The following NATD1 variants were observed in gnomAD, a reference collection of about 807,000 sequenced individuals.
NATD1 encodes the protein protein NATD1.
NATD1 carries 9 observed loss-of-function variants against 12.0 expected under a neutral mutation model. The observed-to-expected ratio is 0.75, with a 90% CI of 0.45 to 1.30. The LOEUF is 1.30. Ranked by LOEUF, NATD1 falls within the 50% of genes most tolerant of loss-of-function variation. The probability of loss-of-function intolerance (pLI) is 0.00; values close to 1 mark genes in which losing one functional copy is unlikely to be tolerated. For missense variants in NATD1, 148 were observed against 148.5 expected, an observed-to-expected ratio of 1.00 and a Z score of 0.02; for synonymous variants, 71 against 65.9, an observed-to-expected ratio of 1.08 and a Z score of -0.37.
At chr17:21,246,754 C>A (rs762699660) in intron 1 of NATD1, among the ~76,000 whole-genome samples, 1 of 151,912 alleles carries the variant, frequency 6.6e-6, no homozygotes, top group Non-Finnish European at 1.5e-5. Flanking sequence ...GATCACTATA[C>A]AGCAGAGGAG....
rs1269404895 is a variant in NATD1, at chr17:21,239,067, G to C, written c.*4246C>G. 1 of 152,186 alleles carries C rather than the reference G, an allele frequency of 6.6e-6. No individual in the cohort carries two copies. Among genetic ancestry groups the C allele is most frequent in the African/African-American group, 2.4e-5 (1 of 41,454 alleles). 9.4% of individuals were successfully genotyped at this position (152,186 alleles called of 1,614,324 possible). ...CCCTGAGAATCGTAAAGGGATATTTGGGTGGACTTGAGCAAATCCAAGAAC... is the reference window on the plus strand; with the variant it reads ...CCCTGAGAATCGTAAAGGGATATTTCGGTGGACTTGAGCAAATCCAAGAAC... On this transcript the variant is annotated 3_prime_UTR_variant, in exon 3 of 3. Transcript: ENST00000611551.
chr17:21,251,568 T>C (rs1346437177), intron 1 of NATD1, among the ~76,000 whole-genome samples: 1 of 152,204 alleles, frequency 6.6e-6, no homozygotes, highest in Non-Finnish European at 1.5e-5. Context: ...GGGCAATCAC[T>C]TCCTAAGGTC....
chr17:21,249,578 GCTGA>G (rs1203553361), intron 1 of NATD1, among the ~76,000 whole-genome samples: 1 of 152,232 alleles, frequency 6.6e-6, no homozygotes, highest in African/African-American at 2.4e-5. Context: ...AGGGGCAGCA[GCTGA>G]CTCTCTGGGG....
intron 1 of NATD1, among the ~76,000 whole-genome samples, chr17:21,250,492 C>G (rs572452899): frequency 1.3e-5 from 2 of 152,360 alleles, no homozygotes; most frequent in East Asian, 1.9e-4. Context: ...CCTCTCTAAA[C>G]TGTCAGCCCC....
Position 21,243,764 on chromosome 17 carries a change from C to T in NATD1, c.226-335G>A, listed in dbSNP as rs537873930. 9.8e-4 allele frequency among the ~76,000 whole-genome samples: 149 copies of T among 152,258 alleles called. 1 individual carries two copies. The highest frequency in any genetic ancestry group is 3.4e-3 in the African/African-American group (143 of 41,546). Reference sequence around the variant, plus strand: ...CCAGCAGCAGCCCTCAGGGGAGTGACGGTCATTCTTTGCTCTGGCTGTAAC... The same window carrying T: ...CCAGCAGCAGCCCTCAGGGGAGTGATGGTCATTCTTTGCTCTGGCTGTAAC... On this transcript the variant is annotated intron_variant, in intron 2 of 2. Coordinates refer to ENST00000611551, the MANE Select transcript of NATD1 (RefSeq NM_152914.3).
chr17:21,248,994 G>A (rs1003338501), intron 1 of NATD1, among the ~76,000 whole-genome samples: 5 of 152,082 alleles, frequency 3.3e-5, no homozygotes, highest in South Asian at 2.1e-4. Context: ...TGGGGGACCC[G>A]TCCCTGGGTC....
chr17:21,252,786 T>C lies in NATD1; in HGVS notation c.106+373A>G, dbSNP rs534680664. ...TGGGTGCCCAACAGTCGTGAACAAGTGGGCCTGAGCAGGTGCGGGTCCCCT... is the reference window on the plus strand; with the variant it reads ...TGGGTGCCCAACAGTCGTGAACAAGCGGGCCTGAGCAGGTGCGGGTCCCCT... On this transcript the variant is annotated intron_variant, in intron 1 of 2. Transcript: ENST00000611551. Among the ~76,000 whole-genome samples, 58 of 151,896 alleles carry C rather than the reference T, an allele frequency of 3.8e-4. 1 individual carries two copies. Among genetic ancestry groups the C allele is most frequent in the African/African-American group, 1.4e-3 (57 of 41,480 alleles).
At chr17:21,246,991 G>A (rs1351807698) in intron 1 of NATD1, among the ~76,000 whole-genome samples, 3 of 152,180 alleles carry the variant, frequency 2.0e-5, no homozygotes, top group Admixed American at 1.3e-4. Context: ...GGCCCTGCAA[G>A]CCACCAAAAA....
chr17:21,246,148 C>G (rs1975322961), intron 1 of NATD1, among the ~76,000 whole-genome samples: 1 of 152,152 alleles, frequency 6.6e-6, no homozygotes, highest in Non-Finnish European at 1.5e-5. Flanking sequence ...CAGCAGCGAA[C>G]AAAACTGATG....
rs117205156 is a variant in NATD1, at chr17:21,244,907, G to T, written c.107-683C>A. On this transcript the variant is annotated intron_variant, in intron 1 of 2. Coordinates refer to ENST00000611551, the MANE Select transcript of NATD1 (RefSeq NM_152914.3). The surrounding 1 kb of genome is among the most constrained non-coding windows in gnomAD (Gnocchi z 5.2). ...ACAGTTTTTAGTGTCTCATCTATTT[G>T]TCTCTCCACCTACCCATCCATCAAC... Among the ~76,000 whole-genome samples, 90 of 152,188 alleles carry T rather than the reference G, an allele frequency of 5.9e-4. No homozygotes were observed. Among genetic ancestry groups the T allele is most frequent in the Non-Finnish European group, 1.1e-3 (77 of 68,006 alleles).
chr17:21,246,163 T>C (rs1257968853), intron 1 of NATD1, among the ~76,000 whole-genome samples: 1 of 152,278 alleles, frequency 6.6e-6, no homozygotes, highest in East Asian at 1.9e-4. Flanking sequence ...CTGATGAAAC[T>C]CTTCCTCATG....
chr17:21,243,827 T>C (rs534753393), intron 2 of NATD1, among the ~76,000 whole-genome samples: 1 of 152,090 alleles, frequency 6.6e-6, no homozygotes, highest in Admixed American at 6.5e-5. Flanking sequence ...CCAGGCAGCC[T>C]GGGGTTTGGG....
rs1372532000 is a variant in NATD1, at chr17:21,241,383, G to A, written c.*1930C>T. Reference sequence around the variant, plus strand: ...TAGATGGGAAGGGGGTGACCTTAGGGAGGGTAAAAGAGGACCCTAGCTCTG... The same window carrying A: ...TAGATGGGAAGGGGGTGACCTTAGGAAGGGTAAAAGAGGACCCTAGCTCTG... On this transcript the variant is annotated 3_prime_UTR_variant, in exon 3 of 3. Transcript: ENST00000611551. The A allele has an allele frequency of 6.6e-6, 1 of 151,876 alleles. No homozygotes were observed. Among genetic ancestry groups the A allele is most frequent in the Non-Finnish European group, 1.5e-5 (1 of 67,966 alleles). 9.4% of individuals were successfully genotyped at this position (151,876 alleles called of 1,614,324 possible). A position where few individuals can be genotyped will look rare whatever the true frequency, so the allele number is the denominator to read the frequency against.
rs948051868 is a variant in NATD1 at position 21,244,459 on chromosome 17, C to A, written c.107-235G>T. On this transcript the variant is annotated intron_variant, in intron 1 of 2. Coordinates refer to ENST00000611551, the MANE Select transcript of NATD1 (RefSeq NM_152914.3). The surrounding 1 kb of genome is among the most constrained non-coding windows in gnomAD (Gnocchi z 5.2). Reference sequence around the variant, plus strand: ...CCTCTGTGACGTGCTTACAGCCATGCCTAGAACACTTGAGCCCCACATGAA... The same window carrying A: ...CCTCTGTGACGTGCTTACAGCCATGACTAGAACACTTGAGCCCCACATGAA... Among the ~76,000 whole-genome samples the A allele has an allele frequency of 3.3e-5, 5 of 152,130 alleles. No homozygotes were observed. The highest frequency in any genetic ancestry group is 7.2e-5 in the African/African-American group (3 of 41,418).
At chr17:21,247,539 A>G (rs1975336698) in intron 1 of NATD1, among the ~76,000 whole-genome samples, 1 of 152,250 alleles carries the variant, frequency 6.6e-6, no homozygotes, top group South Asian at 2.1e-4. Context: ...ACCGAGGCCC[A>G]GGAGGGAGGA....
chr17:21,243,448 GGA>G lies in NATD1; in HGVS notation c.226-21_226-20del, dbSNP rs1567644829. On this transcript the variant is annotated intron_variant, in intron 2 of 2. Transcript: ENST00000611551. ...GGGCGGCCTGGGAGCCGGGCAGAGA[GGA>G]GAGTGGTCAGGGCCTGCAGCCGGCA... 1 of 1,601,278 alleles carries G rather than the reference GGA, an allele frequency of 6.2e-7. No individual in the cohort carries two copies. The highest frequency in any genetic ancestry group is 1.7e-5 in the Admixed American group (1 of 59,948).
rs534489828 is a variant in NATD1 at position 21,247,159 on chromosome 17, T to C, written c.107-2935A>G. On this transcript the variant is annotated intron_variant, in intron 1 of 2. Transcript: ENST00000611551. The stretch of plus-strand genomic sequence containing the variant: ...ACCTGACCCTGGGAGTCCTCAGAAC[T>C]TCTCTGCCTCCCATTGACCCTCAGT... Among the ~76,000 whole-genome samples, 3 of 152,316 alleles carry C rather than the reference T, an allele frequency of 2.0e-5. No homozygotes were observed. In the East Asian group the frequency reaches 5.8e-4, roughly 29 times the overall value.
intron 1 of NATD1, among the ~76,000 whole-genome samples, chr17:21,247,927 G>C (rs1220169993): frequency 6.6e-6 from 1 of 152,198 alleles, no homozygotes; most frequent in East Asian, 1.9e-4. Flanking sequence ...CCTCTGGGCA[G>C]GTGACGTTTG....
At chr17:21,248,839 T>A (rs1975350616) in intron 1 of NATD1, among the ~76,000 whole-genome samples, 2 of 152,072 alleles carry the variant, frequency 1.3e-5, no homozygotes, top group Admixed American at 6.5e-5. Context: ...CTCTGCCAGG[T>A]GATCTTATGC....
Sources: gnomAD v4.1 joint callset for allele counts (sites outside exome capture counted in the v4.1 genomes callset) on GRCh38, gnomAD v4.1.1 for gene constraint, Gnocchi (gnomAD v3.1) non-coding constraint, MANE v1.5 for transcripts, NCBI Gene and HGNC (gene_info 2026-07-23, HGNC 2026-07-21) for gene names.